FAT3: variants seen among roughly 807,000 people sequenced by gnomAD.
FAT3 encodes protocadherin Fat 3.
FAT3 carries 95 observed loss-of-function variants against 310.2 expected under a neutral mutation model. The ratio of observed to expected loss-of-function variants is 0.31; its 90% CI spans 0.26 to 0.36. The LOEUF (loss-of-function observed/expected upper bound fraction) is 0.36. FAT3 is among the 10% of genes least tolerant of loss of function. The pLI, the probability that FAT3 is intolerant of heterozygous loss-of-function variation, is 1.00. For missense variants in FAT3, 5,408 were observed against 5,715.6 expected, an observed-to-expected ratio of 0.95 and a Z score of 1.74; for synonymous variants, 2,314 against 2,192.9, an observed-to-expected ratio of 1.06 and a Z score of -1.54.
chr11:92,394,958 C>G (rs1452016970), intron 2 of FAT3, among the ~76,000 whole-genome samples: 4 of 152,116 alleles, frequency 2.6e-5, no homozygotes, highest in African/African-American at 9.7e-5. Flanking sequence ...GCAGGGATGT[C>G]TGTTTTGTTT....
At chr11:92,526,452 A>G (rs549914451) in intron 3 of FAT3, among the ~76,000 whole-genome samples, 8 of 152,162 alleles carry the variant, frequency 5.3e-5, no homozygotes, top group African/African-American at 1.9e-4. Context: ...TGCTTCTTCC[A>G]TCTTGATCCC....
chr11:92,516,726 A>G (rs1289474702), intron 2 of FAT3, among the ~76,000 whole-genome samples: 1 of 152,206 alleles, frequency 6.6e-6, no homozygotes, highest in Non-Finnish European at 1.5e-5. Context: ...ACATGATTGT[A>G]TATTTAGAAA....
intron 2 of FAT3, among the ~76,000 whole-genome samples, chr11:92,429,973 T>G (rs1299733020): frequency 6.6e-6 from 1 of 152,210 alleles, no homozygotes; most frequent in African/African-American, 2.4e-5. Context: ...AAGTGTGTTT[T>G]CCAACTTGGT....
chr11:92,548,482 C>T (rs76665231), intron 3 of FAT3, among the ~76,000 whole-genome samples: 36 of 152,304 alleles, frequency 2.4e-4, no homozygotes, highest in Non-Finnish European at 4.4e-5. Context: ...GAAAAGGGAG[C>T]AGCAAAGAAA....
chr11:92,773,831 T>G (rs1946523188), intron 6 of FAT3, among the ~76,000 whole-genome samples: 1 of 152,200 alleles, frequency 6.6e-6, no homozygotes, highest in Non-Finnish European at 1.5e-5. Context: ...ATTCCTTTTT[T>G]GTGACATTTG....
At chr11:92,479,471 C>T (rs1284274649) in intron 2 of FAT3, among the ~76,000 whole-genome samples, 1 of 152,104 alleles carries the variant, frequency 6.6e-6, no homozygotes, top group Non-Finnish European at 1.5e-5. Context: ...TTACTATGTG[C>T]CTAGGGTGTA....
At chr11:92,285,765 T>A (rs1946546707) in intron 1 of FAT3, among the ~76,000 whole-genome samples, 1 of 152,184 alleles carries the variant, frequency 6.6e-6, no homozygotes, top group Non-Finnish European at 1.5e-5. Flanking sequence ...TATTTTAAAT[T>A]TGGTGCCAAA....
chr11:92,337,729 C>T (rs553639632), intron 1 of FAT3, among the ~76,000 whole-genome samples: 3 of 152,342 alleles, frequency 2.0e-5, no homozygotes, highest in Admixed American at 6.5e-5. Context: ...CCGCACTTGA[C>T]GGAAAGTAGT....
At chr11:92,595,387 G>C (rs890767818) in intron 3 of FAT3, among the ~76,000 whole-genome samples, 2 of 152,204 alleles carry the variant, frequency 1.3e-5, no homozygotes, top group Admixed American at 1.3e-4. Context: ...GCACAGGGAT[G>C]TGGGCAACGG....
chr11:92,262,623 A>G (rs1565187097), intron 1 of FAT3, among the ~76,000 whole-genome samples: 1 of 152,158 alleles, frequency 6.6e-6, no homozygotes, highest in Non-Finnish European at 1.5e-5. Flanking sequence ...AACAGGATAC[A>G]GCATGATATA....
intron 1 of FAT3, among the ~76,000 whole-genome samples, chr11:92,251,343 A>C (rs1865132283): frequency 6.6e-6 from 1 of 152,136 alleles, no homozygotes; most frequent in East Asian, 1.9e-4. Context: ...TTCCTTAAAA[A>C]CTATGGTGTA....
Position 92,844,569 on chromosome 11 carries a change from C to T in FAT3, c.11202C>T (p.Arg3734=). The change falls in exon 19 of 28, where the codon CGC becomes CGT. Residue 3734 remains arginine (R), a synonymous_variant. Transcript: ENST00000525166. ...GAAGACACCTGGAGAATATCATGCG[C>T]ATCTCAGCCATCTTGGAGAAGAACT... ...NARRHLENIM[R]ISAILEKNCS... is the part of the protein sequence containing the mutation. 6.2e-7 allele frequency: 1 copy of T among 1,613,990 alleles called. No homozygotes were observed. The highest frequency in any genetic ancestry group is 8.5e-7 in the Non-Finnish European group (1 of 1,179,884).
At chr11:92,337,843 C>T (rs759583501) in intron 1 of FAT3, among the ~76,000 whole-genome samples, 28 of 152,208 alleles carry the variant, frequency 1.8e-4, no homozygotes, top group Admixed American at 1.5e-3. Context: ...ATATCATTTA[C>T]TCTTGTAACA....
intron 3 of FAT3, among the ~76,000 whole-genome samples, chr11:92,617,318 T>G (rs994920098): frequency 6.6e-6 from 1 of 152,222 alleles, no homozygotes. Context: ...GCCATGGTTT[T>G]CAGCTCCATC....
At chr11:92,435,518 CCTTT>C (rs1406413554) in intron 2 of FAT3, among the ~76,000 whole-genome samples, 1 of 143,186 alleles carries the variant, frequency 7.0e-6, no homozygotes, top group Non-Finnish European at 1.5e-5. Flanking sequence ...TTCCTTCCTT[CCTTT>C]CTCTTTCTTT....
intron 1 of FAT3, among the ~76,000 whole-genome samples, chr11:92,236,978 T>C (rs1478180328): frequency 6.6e-6 from 1 of 152,036 alleles, no homozygotes. Flanking sequence ...TAGAGGCAAA[T>C]GTAAATCCCG....
chr11:92,523,445 G>A (rs1465032122), intron 2 of FAT3, among the ~76,000 whole-genome samples: 1 of 152,110 alleles, frequency 6.6e-6, no homozygotes, highest in Non-Finnish European at 1.5e-5. Flanking sequence ...TGAGTTTGAG[G>A]AAATTTTGAG....
Position 92,623,184 on chromosome 11 carries a change from C to T in FAT3, c.3608-74200C>T, listed in dbSNP as rs1247603207. ...CATAGTCCCATGTTGCTACATGTTG[C>T]TACATGTTGCTACATTAGTCAAATC... is the stretch of plus-strand genomic sequence containing the variant. On this transcript the variant is annotated intron_variant, in intron 3 of 27. Coordinates refer to ENST00000525166, the MANE Select transcript of FAT3 (RefSeq NM_001367949.2). Among the ~76,000 whole-genome samples, 173 of 31,726 alleles carry T rather than the reference C, an allele frequency of 5.5e-3. 15 individuals carry two copies. Among genetic ancestry groups the T allele is most frequent in the Middle Eastern group, 0.01 (1 of 100 alleles). 20.8% of individuals were successfully genotyped at this position (31,726 alleles called of 152,430 possible). A position where few individuals can be genotyped will look rare whatever the true frequency, so the allele number is the denominator to read the frequency against.
At chr11:92,838,302 C>T (rs569752512) in intron 17 of FAT3, among the ~76,000 whole-genome samples, 4 of 152,302 alleles carry the variant, frequency 2.6e-5, no homozygotes, top group Admixed American at 6.5e-5. Flanking sequence ...GATTGGGCAT[C>T]AGGATAGAGC....
Sources: allele counts gnomAD v4.1 joint callset (sites outside exome capture counted in the v4.1 genomes callset), GRCh38; gene constraint gnomAD v4.1.1; transcripts MANE v1.5; gene names NCBI Gene and HGNC (gene_info 2026-07-23, HGNC 2026-07-21).